Variants in SLC16A3 observed in about 807,000 individuals in gnomAD.
SLC16A3 encodes solute carrier family 16 member 3.
A neutral mutation model predicts 25.0 loss-of-function variants in SLC16A3; 22 were observed. The observed-to-expected ratio is 0.88, with a 90% CI of 0.63 to 1.26. SLC16A3 has a LOEUF of 1.26. SLC16A3 is among the 50% of genes most tolerant of loss of function. The pLI is 0.00. For synonymous variants in SLC16A3, 390 were observed against 309.2 expected (o/e 1.26, Z -2.74); for missense variants, 731 against 666.6 (o/e 1.10, Z -1.06).
chr17:82,226,409 CCA>C (rs1160513879), upstream of SLC16A3, among the ~76,000 whole-genome samples: 1 of 152,088 alleles, frequency 6.6e-6, no homozygotes, highest in East Asian at 1.9e-4. Context: ...CCAACACCAC[CCA>C]GAGTGGGGTG....
chr17:82,227,442 C>T (rs957323752), upstream of SLC16A3, among the ~76,000 whole-genome samples: 4 of 152,052 alleles, frequency 2.6e-5, no homozygotes, highest in African/African-American at 7.2e-5. Context: ...ATGGGGAGCA[C>T]GGTACCCTCG....
At chr17:82,219,490 A>G (rs2050375636) in intron 1 of SLC16A3, among the ~76,000 whole-genome samples, 2 of 152,102 alleles carry the variant, frequency 1.3e-5, no homozygotes, top group Non-Finnish European at 2.9e-5. Flanking sequence ...GGCCGCCCGT[A>G]GGGTCTCGCA....
Position 82,238,849 on chromosome 17 carries a change from C to A in SLC16A3, c.1271C>A (p.Ala424Glu), listed in dbSNP as rs376767279. ...PKEPQPEVAAAEEEKLHKPPA... is the reference protein window; with the variant it reads ...PKEPQPEVAAEEEEKLHKPPA... ...GAGCCACAGCCTGAGGTGGCGGCCG[C>A]GGAGGAGGAGAAGCTCCACAAGCCT... Residue 424 changes from alanine to glutamate, a missense_variant, in exon 5 of 5, where the codon GCG (alanine) becomes GAG (glutamate). Coordinates refer to ENST00000582743, the MANE Select transcript of SLC16A3 (RefSeq NM_004207.4). The A allele has an allele frequency of 4.3e-6, 7 of 1,612,320 alleles. No homozygotes were observed. The highest frequency in any genetic ancestry group is 1.7e-5 in the Admixed American group (1 of 59,954).
At position 82,236,064 on chromosome 17, in the gene SLC16A3, G is replaced by A. The variant is rs1370824160; in HGVS notation, c.56G>A (p.Gly19Asp). ...ACAGGCGTCAAGGCCCCTGACGGCG[G>A]CTGGGGCTGGGCCGTGCTCTTCGGC... is the stretch of plus-strand genomic sequence containing the variant. The part of the protein sequence containing the change: ...GPTGVKAPDG[G>D]WGWAVLFGCF... Residue 19 changes from glycine (G) to aspartate (D), a missense_variant, in exon 2 of 5, where the codon GGC (glycine) becomes GAC (aspartate). Coordinates refer to ENST00000582743, the MANE Select transcript of SLC16A3 (RefSeq NM_004207.4). 4 of 1,612,716 alleles carry A rather than the reference G, an allele frequency of 2.5e-6. No homozygotes were observed. In the East Asian group the frequency reaches 6.7e-5, roughly 27 times the overall value.
rs1299819667 is a variant in SLC16A3 at position 82,236,780 on chromosome 17, T to C, written c.275T>C (p.Leu92Pro). The C allele has an allele frequency of 6.2e-7, 1 of 1,608,930 alleles. No individual in the cohort carries two copies. The highest frequency in any genetic ancestry group is 8.5e-7 in the Non-Finnish European group (1 of 1,179,854). The change falls in exon 3 of 5, where the codon CTT (leucine) becomes CCT (proline). Residue 92 changes from leucine (L) to proline (P), a missense_variant. Coordinates refer to ENST00000582743, the MANE Select transcript of SLC16A3 (RefSeq NM_004207.4). ...VNRFGCRPVM[L>P]VGGLFASLGM... The stretch of plus-strand genomic sequence containing the variant: ...CGCTTTGGCTGCCGGCCCGTCATGC[T>C]TGTGGGGGGTCTCTTTGCGTCGCTG...
At chr17:82,227,473 C>T (rs2050430680), upstream of SLC16A3, among the ~76,000 whole-genome samples, 1 of 152,074 alleles carries the variant, frequency 6.6e-6, no homozygotes, top group African/African-American at 2.4e-5. Context: ...AGGCAATACC[C>T]CATAGGGGAC....
At chr17:82,222,676 C>T (rs536759702) in intron 1 of SLC16A3, among the ~76,000 whole-genome samples, 7 of 152,068 alleles carry the variant, frequency 4.6e-5, no homozygotes, top group East Asian at 1.9e-4. Flanking sequence ...TGATGGTGCA[C>T]GCCTGTAATC....
intron 2 of SLC16A3, 179 bp from the exon 3 acceptor site, chr17:82,236,550 G>A (rs535923208): frequency 6.6e-5 from 54 of 824,152 alleles, no homozygotes; most frequent in African/African-American, 6.2e-4. Flanking sequence ...CCCAGCAGGC[G>A]GCGCTCACGT....
Position 82,239,169 on chromosome 17 carries a change from C to A in SLC16A3, c.*193C>A. On this transcript the variant is annotated 3_prime_UTR_variant, in exon 5 of 5. Transcript: ENST00000582743. ...GGAACCGTGTCATTCCAGAGTGGAT[C>A]TGCGGTGAAGCCAAGCCGCAAGGTT... 1.9e-6 allele frequency: 1 copy of A among 535,976 alleles called. No individual in the cohort carries two copies. Among genetic ancestry groups the A allele is most frequent in the Non-Finnish European group, 3.1e-6 (1 of 322,562 alleles). The allele number at this position is 535,976 out of a possible 1,614,324, so 33.2% of individuals were successfully genotyped here. A position where few individuals can be genotyped will look rare whatever the true frequency, so the allele number is the denominator to read the frequency against.
chr17:82,219,355 G>A (rs2050374711), intron 1 of SLC16A3, among the ~76,000 whole-genome samples: 1 of 152,074 alleles, frequency 6.6e-6, no homozygotes, highest in South Asian at 2.1e-4. Flanking sequence ...CATCTCCAAG[G>A]GGCGGGGGAG....
intron 4 of SLC16A3, among the ~76,000 whole-genome samples, chr17:82,238,422 A>G (rs2050673269): frequency 6.6e-6 from 1 of 151,572 alleles, no homozygotes; most frequent in African/African-American, 2.4e-5. Flanking sequence ...CCTCAGGGGG[A>G]CTCCGTGGGG....
intron 2 of SLC16A3, 144 bp downstream of exon 2, chr17:82,236,375 T>TG: frequency 1.3e-6 from 1 of 793,190 alleles, no homozygotes; most frequent in Non-Finnish European, 2.0e-6. Flanking sequence ...AGGATCCTGC[T>TG]GGGCAGCAAC....
chr17:82,236,620 G>T, intron 2 of SLC16A3, 109 bp from the exon 3 acceptor site: 1 of 1,469,538 alleles, frequency 6.8e-7, no homozygotes, highest in Non-Finnish European at 9.2e-7. Flanking sequence ...CCCCGCGGGG[G>T]GAGGGGTGGT....
At chr17:82,233,481 G>T (rs1877544238) in intron 1 of SLC16A3, among the ~76,000 whole-genome samples, 1 of 152,110 alleles carries the variant, frequency 6.6e-6, no homozygotes, top group Admixed American at 6.5e-5. Flanking sequence ...TCTCCTGAGG[G>T]TGGCCACTGT....
At chr17:82,233,082 A>G (rs2050526741) in intron 1 of SLC16A3, among the ~76,000 whole-genome samples, 3 of 152,118 alleles carry the variant, frequency 2.0e-5, no homozygotes. Flanking sequence ...TGCCGGGGTT[A>G]TCCTGGAAGA....
chr17:82,237,484 G>C lies in SLC16A3; in HGVS notation c.714G>C (p.Met238Ile), dbSNP rs2050635729. Reference sequence around the variant, plus strand: ...TTTACGCCGTGGCCGCCTCGGTCATGGTGCTGGGGCTCTTCGTCCCGCCCG... The same window carrying C: ...TTTACGCCGTGGCCGCCTCGGTCATCGTGCTGGGGCTCTTCGTCCCGCCCG... Reference protein sequence around the residue: ...FVLYAVAASVMVLGLFVPPVF... With the variant: ...FVLYAVAASVIVLGLFVPPVF... Residue 238 changes from methionine (M) to isoleucine (I), a missense_variant, in exon 4 of 5, where the codon ATG (methionine) becomes ATC (isoleucine). Met to Ile is a conservative substitution (Grantham distance 10, BLOSUM62 1). Coordinates refer to ENST00000582743, the MANE Select transcript of SLC16A3 (RefSeq NM_004207.4). 2 of 1,610,408 alleles carry C rather than the reference G, an allele frequency of 1.2e-6. No homozygotes were observed. Among genetic ancestry groups the C allele is most frequent in the African/African-American group, 2.7e-5 (2 of 74,932 alleles).
intron 1 of SLC16A3, chr17:82,230,904 G>C (rs1470334634): frequency 6.6e-6 from 1 of 152,246 alleles, no homozygotes; most frequent in African/African-American, 2.4e-5. Flanking sequence ...TCCGAGACCC[G>C]CAGTTCACGA....
At position 82,239,289 on chromosome 17, in the gene SLC16A3, A is replaced by G. The variant is rs992862287; in HGVS notation, c.*313A>G. The G allele has an allele frequency of 8.8e-6, 1 of 114,020 alleles. No homozygotes were observed. Among genetic ancestry groups the G allele is most frequent in the African/African-American group, 3.4e-5 (1 of 29,432 alleles). The allele number at this position is 114,020 out of a possible 1,614,324, so 7.1% of individuals were successfully genotyped here. A position where few individuals can be genotyped will look rare whatever the true frequency, so the allele number is the denominator to read the frequency against. On this transcript the variant is annotated 3_prime_UTR_variant, in exon 5 of 5. Coordinates refer to ENST00000582743, the MANE Select transcript of SLC16A3 (RefSeq NM_004207.4). ...ACCTGGAAACCCATGCTTCGAGACA[A>G]CGTGACTTTAATGGGAGGGTGGGTG...
At chr17:82,227,642 ACCACCTGCCCTGGGCGGGAG>A (rs2050434025), upstream of SLC16A3, among the ~76,000 whole-genome samples, 3 of 21,464 alleles carry the variant, frequency 1.4e-4, no homozygotes, top group African/African-American at 2.0e-4. Flanking sequence ...GGGCGGGAGC[ACCACCTGCCCTGGGCGGGAG>A]CACCACCTGC....
Sources: gnomAD v4.1 joint callset for allele counts (sites outside exome capture counted in the v4.1 genomes callset) on GRCh38, gnomAD v4.1.1 for gene constraint, MANE v1.5 for transcripts, NCBI Gene and HGNC (gene_info 2026-07-23, HGNC 2026-07-21) for gene names.